Variants in APIP observed in about 807,000 individuals in gnomAD.
The protein encoded by APIP is methylthioribulose-1-phosphate dehydratase.
Under a neutral mutation model 32.0 loss-of-function variants are expected in APIP, and 32 were observed. The ratio of observed to expected loss-of-function variants is 1.00; its 90% confidence interval spans 0.76 to 1.34. The LOEUF (loss-of-function observed/expected upper bound fraction) is 1.34, where lower values mean the gene tolerates loss of function less well. APIP is among the 40% of genes most tolerant of loss of function. The pLI is 0.00. For missense variants in APIP, 247 were observed against 298.6 expected (o/e 0.83, Z 1.27); for synonymous variants, 92 against 94.8 (o/e 0.97, Z 0.17).
At chr11:34,899,299 CTCT>C (rs539963798) in intron 1 of APIP, among the ~76,000 whole-genome samples, 385 of 152,302 alleles carry the variant, frequency 2.5e-3, no homozygotes, top group African/African-American at 8.8e-3. Flanking sequence ...GGCTCTAAGC[CTCT>C]TCTGTGAACA....
chr11:34,914,189 C>T (rs910717399), intron 1 of APIP, among the ~76,000 whole-genome samples: 3 of 152,176 alleles, frequency 2.0e-5, no homozygotes, highest in African/African-American at 7.2e-5. Flanking sequence ...TAAGTCATAT[C>T]GTCATATGTC....
In APIP at chr11:34,898,786, G is replaced by GTTTTTTT. The variant is rs57593563; in HGVS notation, c.58-3683_58-3677dup. Reference sequence around the variant, plus strand: ...CGAGCACATAGTATTTCTTTCTTTGGTTTTTTTTTTTTTTTTTTTTTTTTT... The same window carrying GTTTTTTT: ...CGAGCACATAGTATTTCTTTCTTTGGTTTTTTTTTTTTTTTTTTTTTTTTTTTTTTTT... On this transcript the variant is annotated intron_variant, in intron 1 of 6. Transcript: ENST00000395787. Among the ~76,000 whole-genome samples the GTTTTTTT allele has an allele frequency of 2.0e-4, 11 of 55,166 alleles. 1 individual carries two copies. Among genetic ancestry groups the GTTTTTTT allele is most frequent in the Non-Finnish European group, 3.1e-4 (10 of 32,358 alleles). 36.2% of individuals were successfully genotyped at this position (55,166 alleles called of 152,430 possible). A position where few individuals can be genotyped will look rare whatever the true frequency, so the allele number is the denominator to read the frequency against.
At chr11:34,909,184 A>G (rs2986420) in intron 1 of APIP, among the ~76,000 whole-genome samples, 53,491 of 151,728 alleles carry the variant, frequency 0.35, 10,053 homozygotes, top group East Asian at 0.74. Context: ...AAGACTCCCA[A>G]GTGTGTGGTC....
chr11:34,901,390 T>C (rs2133916791), intron 1 of APIP, among the ~76,000 whole-genome samples: 1 of 93,512 alleles, frequency 1.1e-5, no homozygotes, highest in South Asian at 3.5e-4. Flanking sequence ...GCAAGACTGA[T>C]GGGTCCCGGG....
At chr11:34,912,659 G>A (rs960744691) in intron 1 of APIP, among the ~76,000 whole-genome samples, 3 of 152,166 alleles carry the variant, frequency 2.0e-5, no homozygotes, top group Non-Finnish European at 2.9e-5. Context: ...AATGTGAAAA[G>A]GGAGACTGGC....
At chr11:34,884,271 TA>T (rs34823343) in intron 5 of APIP, among the ~76,000 whole-genome samples, 91,212 of 151,440 alleles carry the variant, frequency 0.6, 28,432 homozygotes, top group East Asian at 0.74. Flanking sequence ...GCTAAAAACT[TA>T]AAAAAAAAAG....
At chr11:34,915,001 C>CA (rs33914497) in intron 1 of APIP, among the ~76,000 whole-genome samples, 343 of 76,252 alleles carry the variant, frequency 4.5e-3, no homozygotes, top group East Asian at 0.025. Context: ...CAAAACGTGT[C>CA]AAAAAAAAAA....
At chr11:34,890,254 T>C (rs982153058) in intron 3 of APIP, among the ~76,000 whole-genome samples, 2 of 152,144 alleles carry the variant, frequency 1.3e-5, no homozygotes, top group Non-Finnish European at 2.9e-5. Context: ...AATTGCTCTT[T>C]ACTGTGATTT....
Position 34,882,679 on chromosome 11 carries a change from T to C in APIP, c.*38A>G. 1 of 1,391,110 alleles carries C rather than the reference T, an allele frequency of 7.2e-7. No individual in the cohort carries two copies. The highest frequency in any genetic ancestry group is 9.9e-7 in the Non-Finnish European group (1 of 1,007,630). The allele number at this position is 1,391,110 out of a possible 1,614,324, so 86.2% of individuals were successfully genotyped here. A position where few individuals can be genotyped will look rare whatever the true frequency, so the allele number is the denominator to read the frequency against. ...CTTTCATTTAAATAATAATTACGTT[T>C]AGCTTTATCTCTGTATATAATTAGA... On this transcript the variant is annotated 3_prime_UTR_variant, in exon 7 of 7. Transcript: ENST00000395787.
intron 2 of APIP, among the ~76,000 whole-genome samples, chr11:34,892,422 T>G (rs1399942385): frequency 6.6e-6 from 1 of 152,190 alleles, no homozygotes; most frequent in Non-Finnish European, 1.5e-5. Context: ...TATTTTTATT[T>G]GCTTTCTGGT....
intron 4 of APIP, 142 bp downstream of exon 4, chr11:34,888,610 T>C (rs1025249155): frequency 9.2e-6 from 10 of 1,091,894 alleles, no homozygotes; most frequent in Admixed American, 2.9e-5. Context: ...CATAGGTTGA[T>C]GTGAGAACTG....
rs1853404987 is a variant in APIP at position 34,904,054 on chromosome 11, A to C, written c.58-8944T>G. Among the ~76,000 whole-genome samples the C allele has an allele frequency of 2.6e-5, 4 of 152,224 alleles. No homozygotes were observed. In the South Asian group the frequency reaches 8.3e-4, roughly 31 times the overall value. On this transcript the variant is annotated intron_variant, in intron 1 of 6. Transcript: ENST00000395787. Reference sequence around the variant, plus strand: ...GTGACTCCTTCCTCCTCAAACCCAAAGAACAGGAAGTTATCCAGGGGAAGA... The same window carrying C: ...GTGACTCCTTCCTCCTCAAACCCAACGAACAGGAAGTTATCCAGGGGAAGA...
chr11:34,885,379 GAGCTGA>G (rs1247913869), intron 5 of APIP, among the ~76,000 whole-genome samples: 2 of 151,566 alleles, frequency 1.3e-5, no homozygotes, highest in African/African-American at 4.9e-5. Flanking sequence ...GATTATAATG[GAGCTGA>G]AAAACTCCAT....
chr11:34,901,141 T>C (rs1383646445), intron 1 of APIP, among the ~76,000 whole-genome samples: 1 of 151,832 alleles, frequency 6.6e-6, no homozygotes, highest in African/African-American at 2.4e-5. Flanking sequence ...GAAAGGAAAA[T>C]ACAGGAAAAC....
At chr11:34,905,757 CTAAG>C (rs1436780968) in intron 1 of APIP, among the ~76,000 whole-genome samples, 1 of 152,156 alleles carries the variant, frequency 6.6e-6, no homozygotes, top group Admixed American at 6.5e-5. Flanking sequence ...GTGGCATGCT[CTAAG>C]TAACCACCTT....
intron 1 of APIP, chr11:34,896,864 A>G (rs1415238158): frequency 8.0e-7 from 1 of 1,247,180 alleles, no homozygotes; most frequent in Admixed American, 2.3e-5. Context: ...CACTAGAAGC[A>G]TGAGACAAAA....
At chr11:34,912,212 C>G (rs889581529) in intron 1 of APIP, among the ~76,000 whole-genome samples, 5 of 152,032 alleles carry the variant, frequency 3.3e-5, no homozygotes, top group African/African-American at 4.8e-5. Flanking sequence ...GAAGAAAGTA[C>G]ATGAAACATA....
At chr11:34,900,816 G>A (rs751904276) in intron 1 of APIP, among the ~76,000 whole-genome samples, 26 of 152,052 alleles carry the variant, frequency 1.7e-4, no homozygotes, top group Non-Finnish European at 3.4e-4. Flanking sequence ...TTTAAGGTGT[G>A]TATTAGAGGG....
intron 1 of APIP, among the ~76,000 whole-genome samples, chr11:34,913,606 C>G (rs887062288): frequency 6.6e-6 from 1 of 152,148 alleles, no homozygotes; most frequent in Non-Finnish European, 1.5e-5. Flanking sequence ...AAAGGTAGTG[C>G]GGACCCATAG....
Sources: gnomAD v4.1 joint callset for allele counts (sites outside exome capture counted in the v4.1 genomes callset) on GRCh38, gnomAD v4.1.1 for gene constraint, MANE v1.5 for transcripts, NCBI Gene and HGNC (gene_info 2026-07-23, HGNC 2026-07-21) for gene names.